PTPRG: variants seen among roughly 807,000 people sequenced by gnomAD.
The protein encoded by PTPRG is protein tyrosine phosphatase receptor type G, also known as receptor-type tyrosine-protein phosphatase gamma.
PTPRG carries 102 observed loss-of-function variants against 165.3 expected under a neutral mutation model. That is an observed-to-expected ratio of 0.62 (90% CI 0.53 to 0.73). The LOEUF is 0.73. Ranked by LOEUF, PTPRG falls within the 30% of genes least tolerant of loss-of-function variation. PTPRG has a pLI of 0.00. For synonymous variants in PTPRG, 675 were observed against 669.5 expected (o/e 1.01, Z -0.13); for missense variants, 1,866 against 1,861.4 (o/e 1.00, Z -0.05).
intron 4 of PTPRG, among the ~76,000 whole-genome samples, chr3:62,066,784 A>C (rs959909336): frequency 6.6e-6 from 1 of 152,184 alleles, no homozygotes; most frequent in Admixed American, 6.5e-5. Flanking sequence ...TCATGCCTGT[A>C]ATCCCAGCAC....
chr3:62,237,484 C>T lies in PTPRG; in HGVS notation c.2375+6173C>T, dbSNP rs2106937117. Among the ~76,000 whole-genome samples the T allele has an allele frequency of 6.6e-6, 1 of 152,256 alleles. No homozygotes were observed. Among genetic ancestry groups the T allele is most frequent in the Admixed American group, 6.5e-5 (1 of 15,290 alleles). ...GCAGTGTATATTTTTCAGCAGGGAG[C>T]TCAGGGACTTGACGTTGACAGCTGA... is the stretch of plus-strand genomic sequence containing the variant. On this transcript the variant is annotated intron_variant, in intron 14 of 29. Transcript: ENST00000474889. The surrounding 1 kb of genome is among the most constrained non-coding windows in gnomAD (Gnocchi z 4.5).
chr3:61,965,050 C>G (rs2040237362), intron 2 of PTPRG, among the ~76,000 whole-genome samples: 1 of 152,116 alleles, frequency 6.6e-6, no homozygotes, highest in Non-Finnish European at 1.5e-5. Flanking sequence ...CGAGACCAGC[C>G]TGGCTAACAT....
At chr3:62,034,099 A>T (rs1699864123) in intron 4 of PTPRG, among the ~76,000 whole-genome samples, 1 of 152,146 alleles carries the variant, frequency 6.6e-6, no homozygotes, top group African/African-American at 2.4e-5. Context: ...ATGATAATAC[A>T]AGCTAATACA....
chr3:61,913,461 C>A (rs959822914), intron 2 of PTPRG, among the ~76,000 whole-genome samples: 1 of 152,098 alleles, frequency 6.6e-6, no homozygotes, highest in Non-Finnish European at 1.5e-5. Context: ...CCTCGTGATC[C>A]GCCTGCCTCA....
intron 26 of PTPRG, among the ~76,000 whole-genome samples, chr3:62,281,340 C>CT (rs1702427748): frequency 6.6e-6 from 1 of 151,816 alleles, no homozygotes; most frequent in African/African-American, 2.4e-5. Context: ...GGTTGCTACA[C>CT]TAACAGGTGA....
At chr3:61,852,195 C>T (rs905943486) in intron 2 of PTPRG, among the ~76,000 whole-genome samples, 1 of 152,146 alleles carries the variant, frequency 6.6e-6, no homozygotes, top group Non-Finnish European at 1.5e-5. Flanking sequence ...TCTCTCTTTG[C>T]GTCTGTCCTT....
intron 24 of PTPRG, 59 bp from the exon 25 acceptor site, chr3:62,276,913 T>G: frequency 7.9e-7 from 1 of 1,270,950 alleles, no homozygotes. Context: ...CAGAAAGAGC[T>G]GTTGGTTCTG....
In PTPRG at chr3:62,138,141, G is replaced by A. The variant is rs59998413; in HGVS notation, c.682+5473G>A. Among the ~76,000 whole-genome samples, 973 of 152,190 alleles carry A rather than the reference G, an allele frequency of 6.4e-3. 10 individuals carry two copies. Among genetic ancestry groups the A allele is most frequent in the African/African-American group, 0.022 (931 of 41,522 alleles). ...GTTGATGTTGTGAGTTATATCTGCC[G>A]TTTTACAACCCATTTTGGACTCAAA... On this transcript the variant is annotated intron_variant, in intron 6 of 29. Coordinates refer to ENST00000474889, the MANE Select transcript of PTPRG (RefSeq NM_002841.4).
chr3:61,934,827 T>C (rs2039446165), intron 2 of PTPRG, among the ~76,000 whole-genome samples: 1 of 152,180 alleles, frequency 6.6e-6, no homozygotes, highest in South Asian at 2.1e-4. Context: ...TTGAAATAAA[T>C]TGACATAGTC....
chr3:62,101,213 C>T (rs75376337), intron 5 of PTPRG, among the ~76,000 whole-genome samples: 7 of 152,018 alleles, frequency 4.6e-5, no homozygotes, highest in Non-Finnish European at 1.0e-4. Context: ...AGTTATCACA[C>T]AAAAAATGAA....
intron 4 of PTPRG, among the ~76,000 whole-genome samples, chr3:62,060,891 T>A (rs1700787921): frequency 6.6e-6 from 1 of 152,214 alleles, no homozygotes; most frequent in Non-Finnish European, 1.5e-5. Context: ...ACTTGCCTTA[T>A]CATTGGCTTT....
intron 2 of PTPRG, among the ~76,000 whole-genome samples, chr3:61,838,177 A>G (rs1316468362): frequency 6.6e-6 from 1 of 152,216 alleles, no homozygotes; most frequent in Non-Finnish European, 1.5e-5. Flanking sequence ...TTCTAGGACA[A>G]GTGGTGAAGG....
chr3:62,239,270 C>A (rs958916502), intron 14 of PTPRG, among the ~76,000 whole-genome samples: 2 of 151,924 alleles, frequency 1.3e-5, no homozygotes, highest in Non-Finnish European at 2.9e-5. Context: ...GAGAATTAGA[C>A]CTAGATAGAA....
At chr3:62,204,339 G>T (rs1346709119) in intron 12 of PTPRG, among the ~76,000 whole-genome samples, 1 of 152,142 alleles carries the variant, frequency 6.6e-6, no homozygotes, top group Non-Finnish European at 1.5e-5. Context: ...GACTGGGCAG[G>T]GTGCTGTCCC....
chr3:62,010,858 G>T (rs1253382590), intron 4 of PTPRG, among the ~76,000 whole-genome samples: 1 of 152,052 alleles, frequency 6.6e-6, no homozygotes, highest in African/African-American at 2.4e-5. Context: ...TCAGTTCCTG[G>T]AATTATTACA....
At chr3:62,020,121 G>A (rs895593544) in intron 4 of PTPRG, among the ~76,000 whole-genome samples, 1 of 151,614 alleles carries the variant, frequency 6.6e-6, no homozygotes, top group African/African-American at 2.4e-5. Context: ...TCCAGTACTT[G>A]GCAGAGGGTA....
chr3:61,575,646 G>C (rs1700159958), intron 1 of PTPRG, among the ~76,000 whole-genome samples: 1 of 135,002 alleles, frequency 7.4e-6, no homozygotes, highest in African/African-American at 2.9e-5. Context: ...TTGTCACCCA[G>C]ACTGTTCAGT....
At chr3:62,110,539 TAAA>T (rs34522053) in intron 5 of PTPRG, among the ~76,000 whole-genome samples, 1 of 143,164 alleles carries the variant, frequency 7.0e-6, no homozygotes. Context: ...GTAGATGCTT[TAAA>T]AAAAAAAAAA....
intron 1 of PTPRG, among the ~76,000 whole-genome samples, chr3:61,711,334 G>C (rs1467728948): frequency 6.6e-6 from 1 of 152,166 alleles, no homozygotes; most frequent in Non-Finnish European, 1.5e-5. Context: ...CTAGATCCTT[G>C]AGTTATCACA....
Sources: gnomAD v4.1 joint callset for allele counts (sites outside exome capture counted in the v4.1 genomes callset) on GRCh38, gnomAD v4.1.1 for gene constraint, Gnocchi (gnomAD v3.1) non-coding constraint, MANE v1.5 for transcripts, NCBI Gene and HGNC (gene_info 2026-07-23, HGNC 2026-07-21) for gene names.